Variants in FUBP3 observed in about 807,000 individuals in gnomAD.
The protein encoded by FUBP3 is far upstream element-binding protein 3.
FUBP3 carries 28 observed loss-of-function variants against 85.6 expected under a neutral mutation model. The ratio of observed to expected loss-of-function variants is 0.33; its 90% CI spans 0.24 to 0.45. The LOEUF (loss-of-function observed/expected upper bound fraction) is 0.45, where lower values mean the gene tolerates loss of function less well. FUBP3 is among the 20% of genes least tolerant of loss of function. The pLI is 1.00. For synonymous variants in FUBP3, 271 were observed against 271.4 expected, an observed-to-expected ratio of 1.00 and a Z score of 0.01; for missense variants, 583 against 755.1, an observed-to-expected ratio of 0.77 and a Z score of 2.67.
chr9:130,627,130 A>T (rs1830009824), intron 12 of FUBP3, among the ~76,000 whole-genome samples: 1 of 152,214 alleles, frequency 6.6e-6, no homozygotes, highest in African/African-American at 2.4e-5. Context: ...GAGAACCAGG[A>T]GAGAGCAGCC....
intron 12 of FUBP3, among the ~76,000 whole-genome samples, chr9:130,626,849 A>G (rs1338933779): frequency 6.6e-6 from 1 of 152,216 alleles, no homozygotes; most frequent in African/African-American, 2.4e-5. Flanking sequence ...CTCACCTCCA[A>G]GGAACTTAGA....
chr9:130,632,832 TC>T (rs1333777966), intron 16 of FUBP3, among the ~76,000 whole-genome samples: 1 of 152,254 alleles, frequency 6.6e-6, no homozygotes, highest in Non-Finnish European at 1.5e-5. Context: ...ACCCTCTCTG[TC>T]CCCACAGACG....
chr9:130,610,021 T>C lies in FUBP3; in HGVS notation c.224+34T>C, dbSNP rs907768298. 4.0e-6 allele frequency: 6 copies of C among 1,490,466 alleles called. No homozygotes were observed. The Admixed American group carries it at 6.7e-5, about 17-fold the overall frequency. The allele number at this position is 1,490,466 out of a possible 1,614,324, so 92.3% of individuals were successfully genotyped here. ...TGGGTTACGTTTTATTATTTATTGATCATTTCTAATTGTTTATTGATCCAC... is the reference window on the plus strand; with the variant it reads ...TGGGTTACGTTTTATTATTTATTGACCATTTCTAATTGTTTATTGATCCAC... On this transcript the variant is annotated intron_variant, in intron 3 of 18. Coordinates refer to ENST00000319725, the MANE Select transcript of FUBP3 (RefSeq NM_003934.2).
Position 130,634,616 on chromosome 9 carries a change from G to A in FUBP3, c.1511-51G>A, listed in dbSNP as rs371448454. The A allele has an allele frequency of 6.7e-6, 10 of 1,498,514 alleles. No individual in the cohort carries two copies. In the African/African-American group the frequency reaches 9.6e-5, roughly 14 times the overall value. 92.8% of individuals were successfully genotyped at this position (1,498,514 alleles called of 1,614,324 possible). ...GGCCTGCAGCTGGCGGGCTGGGGCC[G>A]AGGCTGTGAGGAGCCCGTAAGGCCT... On this transcript the variant is annotated intron_variant, in intron 16 of 18. Coordinates refer to ENST00000319725, the MANE Select transcript of FUBP3 (RefSeq NM_003934.2).
In FUBP3 at chr9:130,579,654, G is replaced by GCGGCGGCGA. The variant is rs71387369; in HGVS notation, c.-18_-10dup. ...AGCGGCGGCGTCGGCGGCGTCGGCG[G>GCGGCGGCGA]CGGCGGCGACGGCGGCGGGGGCGGT... is the stretch of plus-strand genomic sequence containing the variant. On this transcript the variant is annotated 5_prime_UTR_variant, in exon 1 of 19. Coordinates refer to ENST00000319725, the MANE Select transcript of FUBP3 (RefSeq NM_003934.2). 2.4e-5 allele frequency: 29 copies of GCGGCGGCGA among 1,213,296 alleles called. No homozygotes were observed. The South Asian group carries it at 2.9e-4, about 12-fold the overall frequency. 75.2% of individuals were successfully genotyped at this position (1,213,296 alleles called of 1,614,324 possible). A position where few individuals can be genotyped will look rare whatever the true frequency, so the allele number is the denominator to read the frequency against.
At chr9:130,585,720 C>A (rs1038235139) in intron 1 of FUBP3, among the ~76,000 whole-genome samples, 3 of 152,286 alleles carry the variant, frequency 2.0e-5, no homozygotes, top group African/African-American at 7.2e-5. Flanking sequence ...TCCATGGAAC[C>A]AAATCACATT....
chr9:130,587,055 G>GT (rs369585277), intron 1 of FUBP3, among the ~76,000 whole-genome samples: 271 of 119,312 alleles, frequency 2.3e-3, no homozygotes, highest in Middle Eastern at 0.013. Flanking sequence ...GGCGTTTTTT[G>GT]TTTTTTTTTT....
At chr9:130,594,885 T>C (rs1299022199) in intron 1 of FUBP3, among the ~76,000 whole-genome samples, 5 of 151,652 alleles carry the variant, frequency 3.3e-5, no homozygotes, top group African/African-American at 7.3e-5. Flanking sequence ...TTTTTTTTTT[T>C]TTCTTCTTAA....
At chr9:130,582,034 A>G (rs1231795992) in intron 1 of FUBP3, 1 of 152,246 alleles carries the variant, frequency 6.6e-6, no homozygotes, top group Non-Finnish European at 1.5e-5. Context: ...TGGTATTCTT[A>G]GATTGAAAAG....
chr9:130,591,347 G>A (rs1830618331), intron 1 of FUBP3, among the ~76,000 whole-genome samples: 1 of 152,158 alleles, frequency 6.6e-6, no homozygotes. Flanking sequence ...GGAGGCTGAG[G>A]CAGGAGAATC....
chr9:130,625,226 C>G (rs1829922911), intron 11 of FUBP3, among the ~76,000 whole-genome samples: 1 of 152,208 alleles, frequency 6.6e-6, no homozygotes, highest in East Asian at 1.9e-4. Flanking sequence ...AGTTTATGAA[C>G]CTTGCACTGC....
chr9:130,595,775 A>G (rs1418288281), intron 2 of FUBP3, among the ~76,000 whole-genome samples, 187 bp downstream of exon 2: 1 of 152,226 alleles, frequency 6.6e-6, no homozygotes, highest in African/African-American at 2.4e-5. Context: ...TTGCCTTGAT[A>G]ATACAGAAAT....
chr9:130,630,007 C>G (rs1211643177), intron 12 of FUBP3, among the ~76,000 whole-genome samples: 5 of 152,246 alleles, frequency 3.3e-5, no homozygotes, highest in Non-Finnish European at 5.9e-5. Context: ...TAGCCCGGCT[C>G]CACCCAGGTC....
intron 1 of FUBP3, among the ~76,000 whole-genome samples, chr9:130,589,705 A>ATATATATTT (rs1414691549): frequency 5.4e-5 from 4 of 73,856 alleles, no homozygotes; most frequent in African/African-American, 1.5e-4. Context: ...ATATATATAT[A>ATATATATTT]TTTTTTTTTT....
intron 9 of FUBP3, 63 bp from the exon 10 acceptor site, chr9:130,622,645 A>AG: frequency 2.7e-6 from 2 of 743,196 alleles, no homozygotes; most frequent in Admixed American, 2.5e-5. Flanking sequence ...AAAAAAAAAA[A>AG]GTGCCCTTTA....
intron 2 of FUBP3, among the ~76,000 whole-genome samples, chr9:130,598,435 G>A (rs184770788): frequency 1.6e-4 from 24 of 152,294 alleles, no homozygotes; most frequent in Admixed American, 5.9e-4. Flanking sequence ...GGAAACACTG[G>A]GCCAAAGAGA....
intron 1 of FUBP3, chr9:130,580,580 C>T (rs1184254809): frequency 6.6e-5 from 10 of 152,184 alleles, no homozygotes; most frequent in Admixed American, 5.9e-4. Flanking sequence ...CTTATGTCCT[C>T]CTCTCTTCTT....
chr9:130,593,695 G>A (rs766153747), intron 1 of FUBP3, among the ~76,000 whole-genome samples: 24 of 152,330 alleles, frequency 1.6e-4, no homozygotes, highest in Non-Finnish European at 3.2e-4. Flanking sequence ...ATTTGGACTA[G>A]CTCAGAACTA....
At chr9:130,620,497 G>A (rs1829702548) in intron 9 of FUBP3, 39 bp downstream of exon 9, 1 of 1,020,806 alleles carries the variant, frequency 9.8e-7, no homozygotes, top group African/African-American at 1.6e-5. Flanking sequence ...AATGAGATGA[G>A]GACTAAAGTT....
Sources: allele counts gnomAD v4.1 joint callset (sites outside exome capture counted in the v4.1 genomes callset), GRCh38; gene constraint gnomAD v4.1.1; transcripts MANE v1.5; gene names NCBI Gene and HGNC (gene_info 2026-07-23, HGNC 2026-07-21).